GNG4: variants seen among roughly 807,000 people sequenced by gnomAD.
GNG4 encodes G protein subunit gamma 4.
GNG4 carries 4 observed loss-of-function variants against 5.8 expected under a neutral mutation model. That is an observed-to-expected ratio of 0.69 (90% CI 0.34 to 1.57). The LOEUF (loss-of-function observed/expected upper bound fraction) is 1.57. GNG4 is among the 40% of genes most tolerant of loss of function. The probability of loss-of-function intolerance (pLI) is 0.06; values close to 1 mark genes in which losing one functional copy is unlikely to be tolerated. For synonymous variants in GNG4, 29 were observed against 32.9 expected (o/e 0.88, Z 0.41); for missense variants, 96 against 95.1 (o/e 1.01, Z -0.04).
intron 3 of GNG4, among the ~76,000 whole-genome samples, chr1:235,552,645 A>T (rs535391734): frequency 1.3e-5 from 2 of 152,354 alleles, no homozygotes; most frequent in African/African-American, 4.8e-5. Context: ...TATCATTATT[A>T]GTTGTTTTAT....
At chr1:235,576,320 C>T (rs924193520) in intron 3 of GNG4, among the ~76,000 whole-genome samples, 3 of 152,032 alleles carry the variant, frequency 2.0e-5, no homozygotes, top group Non-Finnish European at 2.9e-5. Flanking sequence ...CCTCTGCCTC[C>T]TAAAGTGCTG....
Position 235,642,702 on chromosome 1 carries a change from A to C in GNG4, c.-123+6960T>G, listed in dbSNP as rs180819189. Reference sequence around the variant, plus strand: ...GAAAGGGTGTGCCTCCTACAGAAGGATATTTGTTTTGTCCTAAACTTGCCG... The same window carrying C: ...GAAAGGGTGTGCCTCCTACAGAAGGCTATTTGTTTTGTCCTAAACTTGCCG... On this transcript the variant is annotated intron_variant, in intron 1 of 3. Transcript: ENST00000391854. The surrounding 1 kb of genome is among the most constrained non-coding windows in gnomAD (Gnocchi z 4.3). 1.6e-4 allele frequency among the ~76,000 whole-genome samples: 24 copies of C among 151,852 alleles called. No homozygotes were observed. The highest frequency in any genetic ancestry group is 3.4e-4 in the Non-Finnish European group (23 of 67,978).
At chr1:235,616,690 A>G (rs1311740094) in intron 1 of GNG4, among the ~76,000 whole-genome samples, 1 of 151,422 alleles carries the variant, frequency 6.6e-6, no homozygotes, top group Non-Finnish European at 1.5e-5. Context: ...TTCTCTGATT[A>G]CCCTCGCCTC....
At chr1:235,596,207 A>ACAAAACACAC in intron 1 of GNG4, among the ~76,000 whole-genome samples, 2 of 28,794 alleles carry the variant, frequency 6.9e-5, no homozygotes, top group South Asian at 1.9e-3. Context: ...AAACAAACAA[A>ACAAAACACAC]ATACACACAC....
At chr1:235,645,158 G>A (rs920651177) in intron 1 of GNG4, among the ~76,000 whole-genome samples, 2 of 152,120 alleles carry the variant, frequency 1.3e-5, no homozygotes, top group African/African-American at 2.4e-5. Flanking sequence ...GTCCCAGCAT[G>A]GGGCATGACC....
intron 2 of GNG4, among the ~76,000 whole-genome samples, chr1:235,593,821 G>T (rs927076407): frequency 6.6e-6 from 1 of 152,086 alleles, no homozygotes; most frequent in Non-Finnish European, 1.5e-5. Flanking sequence ...GCAGACCTTC[G>T]TGGTGAGTGT....
At chr1:235,579,514 C>T (rs768531910) in intron 3 of GNG4, among the ~76,000 whole-genome samples, 3 of 151,734 alleles carry the variant, frequency 2.0e-5, no homozygotes, top group African/African-American at 7.3e-5. Context: ...GATGACGTGA[C>T]GTGATGAAGC....
chr1:235,603,380 A>G (rs1406542709), intron 1 of GNG4, among the ~76,000 whole-genome samples: 1 of 152,118 alleles, frequency 6.6e-6, no homozygotes. Flanking sequence ...GTGGATGTGT[A>G]AGGTGGCATT....
chr1:235,626,886 G>A (rs1221206924), intron 1 of GNG4, among the ~76,000 whole-genome samples: 2 of 146,846 alleles, frequency 1.4e-5, no homozygotes, highest in Admixed American at 1.4e-4. Flanking sequence ...TTGAACCCAG[G>A]AGGTGGAGTT....
chr1:235,573,059 A>G (rs1192187732), intron 3 of GNG4, among the ~76,000 whole-genome samples: 1 of 152,138 alleles, frequency 6.6e-6, no homozygotes, highest in Non-Finnish European at 1.5e-5. Flanking sequence ...TCACAATAGC[A>G]AAGACTTGGA....
intron 3 of GNG4, among the ~76,000 whole-genome samples, chr1:235,580,749 T>TG (rs1263936701): frequency 1.4e-5 from 2 of 145,800 alleles, no homozygotes; most frequent in Non-Finnish European, 3.0e-5. Context: ...GTTTTTTGTT[T>TG]TTTTTTTTTT....
chr1:235,605,912 G>A (rs1688346295), intron 1 of GNG4, among the ~76,000 whole-genome samples: 1 of 146,714 alleles, frequency 6.8e-6, no homozygotes, highest in Non-Finnish European at 1.5e-5. Flanking sequence ...TAACAGAGAA[G>A]TAAAAAGATT....
At chr1:235,645,250 C>G (rs1378403169) in intron 1 of GNG4, among the ~76,000 whole-genome samples, 1 of 152,186 alleles carries the variant, frequency 6.6e-6, no homozygotes, top group Non-Finnish European at 1.5e-5. Context: ...AGAACCTGCT[C>G]TCAGCCCTCA....
intron 1 of GNG4, among the ~76,000 whole-genome samples, chr1:235,616,720 T>C (rs1322340395): frequency 7.1e-6 from 1 of 141,842 alleles, no homozygotes; most frequent in Non-Finnish European, 1.5e-5. Flanking sequence ...GAACCAGTGC[T>C]GAAAGATGTG....
At chr1:235,619,063 G>T (rs1057183292) in intron 1 of GNG4, among the ~76,000 whole-genome samples, 5 of 147,826 alleles carry the variant, frequency 3.4e-5, no homozygotes, top group African/African-American at 7.5e-5. Context: ...ACTTTGGGAG[G>T]CTGAGGTGGG....
chr1:235,615,236 CA>C (rs150550722), intron 1 of GNG4: 44 of 152,340 alleles, frequency 2.9e-4, no homozygotes, highest in African/African-American at 1.1e-3. Context: ...GCAGAAGAGT[CA>C]GTGTCAGAGT....
At chr1:235,587,410 A>T (rs184174448) in intron 2 of GNG4, among the ~76,000 whole-genome samples, 8 of 14,128 alleles carry the variant, frequency 5.7e-4, no homozygotes, top group Non-Finnish European at 7.7e-4. Context: ...TATGAGGGTG[A>T]GGGGTGGGGG....
chr1:235,547,740 G>GC lies in GNG4; in HGVS notation c.*4368dup, dbSNP rs1686618045. 6.6e-6 allele frequency: 1 copy of GC among 152,050 alleles called. No individual in the cohort carries two copies. The highest frequency in any genetic ancestry group is 6.6e-5 in the Admixed American group (1 of 15,266). 9.4% of individuals were successfully genotyped at this position (152,050 alleles called of 1,614,324 possible). ...AAGTATAACATACACACAGAAAAGT[G>GC]CCCAGATCAAAAGTGTACAGCTCCA... On this transcript the variant is annotated 3_prime_UTR_variant, in exon 4 of 4. Coordinates refer to ENST00000391854, the MANE Select transcript of GNG4 (RefSeq NM_001098722.2).
chr1:235,600,648 T>C (rs1185483935), intron 1 of GNG4, among the ~76,000 whole-genome samples: 1 of 149,834 alleles, frequency 6.7e-6, no homozygotes, highest in East Asian at 2.0e-4. Flanking sequence ...GGTTTTGAAC[T>C]CCTGGCTCAA....
Sources: allele counts gnomAD v4.1 joint callset (sites outside exome capture counted in the v4.1 genomes callset), GRCh38; gene constraint gnomAD v4.1.1; non-coding constraint Gnocchi (gnomAD v3.1); transcripts MANE v1.5; gene names NCBI Gene and HGNC (gene_info 2026-07-23, HGNC 2026-07-21).